Variants in GPR37 observed in about 807,000 individuals in gnomAD.
GPR37 encodes G protein-coupled receptor 37, also known as prosaposin receptor GPR37.
GPR37 carries 20 observed loss-of-function variants against 43.6 expected under a neutral mutation model. That is an observed-to-expected ratio of 0.46 (90% CI 0.32 to 0.67). GPR37 has a LOEUF of 0.67. GPR37 is among the 30% of genes least tolerant of loss of function. GPR37 has a pLI of 0.03. For missense variants in GPR37, 724 were observed against 797.2 expected (o/e 0.91, Z 1.11); for synonymous variants, 315 against 322.6 (o/e 0.98, Z 0.25).
chr7:124,764,317 G>A lies in GPR37; in HGVS notation c.660C>T (p.Ala220=), dbSNP rs61744942. The A allele has an allele frequency of 0.082, 131,398 of 1,610,346 alleles. 6,213 individuals carry two copies. Among genetic ancestry groups the A allele is most frequent in the African/African-American group, 0.19 (13,959 of 74,882 alleles). Reference sequence around the variant, plus strand: ...TTCCTTCACCCAAGGATCCATTCTGGGCCAGCGCCCGGCCCGGGAGTGCAA... The same window carrying A: ...TTCCTTCACCCAAGGATCCATTCTGAGCCAGCGCCCGGCCCGGGAGTGCAA... ...WTIALPGRAL[A]QNGSLGEGIH... Residue 220 remains alanine (A), a synonymous_variant, in exon 1 of 2, where the codon GCC becomes GCT. Coordinates refer to ENST00000303921, the MANE Select transcript of GPR37 (RefSeq NM_005302.5). The surrounding 1 kb of genome is among the most constrained non-coding windows in gnomAD (Gnocchi z 5.4).
At chr7:124,749,327 CA>C (rs1793707083) in intron 1 of GPR37, among the ~76,000 whole-genome samples, 1 of 151,978 alleles carries the variant, frequency 6.6e-6, no homozygotes, top group African/African-American at 2.4e-5. Context: ...ACATCCCAGA[CA>C]ACTTGAATAT....
chr7:124,752,881 A>G (rs1260615050), intron 1 of GPR37, among the ~76,000 whole-genome samples: 1 of 152,098 alleles, frequency 6.6e-6, no homozygotes, highest in African/African-American at 2.4e-5. Flanking sequence ...AGGATGGTAC[A>G]AAAAGGAAAG....
chr7:124,757,430 A>T (rs562135942), intron 1 of GPR37, among the ~76,000 whole-genome samples: 1 of 152,330 alleles, frequency 6.6e-6, no homozygotes, highest in African/African-American at 2.4e-5. Context: ...TTATTTTGCC[A>T]ATTATTATTA....
At chr7:124,753,020 G>T (rs1482459185) in intron 1 of GPR37, among the ~76,000 whole-genome samples, 1 of 151,946 alleles carries the variant, frequency 6.6e-6, no homozygotes, top group Non-Finnish European at 1.5e-5. Flanking sequence ...AGGAAGGATT[G>T]CCATTAGCTT....
In GPR37 at chr7:124,765,254, C is replaced by T. The variant is rs528995062; in HGVS notation, c.-278G>A. 5.3e-6 allele frequency: 2 copies of T among 376,636 alleles called. No homozygotes were observed. Among genetic ancestry groups the T allele is most frequent in the African/African-American group, 2.1e-5 (1 of 48,034 alleles). 23.3% of individuals were successfully genotyped at this position (376,636 alleles called of 1,614,324 possible). ...GTTCCTAGAGGGAATAGGCTACTCCCGGTGGCTGACCTTGAAAAGTTGCAA... is the reference window on the plus strand; with the variant it reads ...GTTCCTAGAGGGAATAGGCTACTCCTGGTGGCTGACCTTGAAAAGTTGCAA... On this transcript the variant is annotated 5_prime_UTR_variant, in exon 1 of 2. Transcript: ENST00000303921.
chr7:124,755,507 T>C (rs1230742345), intron 1 of GPR37, among the ~76,000 whole-genome samples: 1 of 152,072 alleles, frequency 6.6e-6, no homozygotes, highest in African/African-American at 2.4e-5. Flanking sequence ...TATAGTCCTA[T>C]CTTGAATTAA....
At position 124,764,397 on chromosome 7, in the gene GPR37, G is replaced by A; in HGVS notation, c.580C>T (p.His194Tyr). ...RRAGKLQGSH[H>Y]KPLSKTANGL... ...TTGGCCGTCTTGGACAGGGGCTTGTGGTGGGAACCCTGGAGTTTCCCGGCT... is the reference window on the plus strand; with the variant it reads ...TTGGCCGTCTTGGACAGGGGCTTGTAGTGGGAACCCTGGAGTTTCCCGGCT... Residue 194 changes from histidine to tyrosine, a missense_variant, in exon 1 of 2, where the codon CAC (histidine) becomes TAC (tyrosine). This residue lies in a region of GPR37 where 382 missense variants were observed against 355.4 expected (regional missense o/e 1.07). Transcript: ENST00000303921. The surrounding 1 kb of genome is among the most constrained non-coding windows in gnomAD (Gnocchi z 5.4). 1.9e-6 allele frequency: 3 copies of A among 1,613,656 alleles called. No homozygotes were observed. The highest frequency in any genetic ancestry group is 2.5e-6 in the Non-Finnish European group (3 of 1,180,030).
At chr7:124,762,615 T>C (rs1793863567) in intron 1 of GPR37, among the ~76,000 whole-genome samples, 1 of 152,064 alleles carries the variant, frequency 6.6e-6, no homozygotes, top group African/African-American at 2.4e-5. Flanking sequence ...CCAAACAAAG[T>C]AGATGTTTCA....
chr7:124,746,011 CA>C lies in GPR37; in HGVS notation c.*513del, dbSNP rs1339919455. 4 of 152,022 alleles carry C rather than the reference CA, an allele frequency of 2.6e-5. No individual in the cohort carries two copies. The highest frequency in any genetic ancestry group is 1.3e-4 in the Admixed American group (2 of 15,254). 9.4% of individuals were successfully genotyped at this position (152,022 alleles called of 1,614,324 possible). A position where few individuals can be genotyped will look rare whatever the true frequency, so the allele number is the denominator to read the frequency against. ...AGAACCAGTAATTGTATCTTTAAGG[CA>C]ATTAGAAGATTTATTGAATATTGGT... On this transcript the variant is annotated 3_prime_UTR_variant, in exon 2 of 2. Coordinates refer to ENST00000303921, the MANE Select transcript of GPR37 (RefSeq NM_005302.5).
At position 124,745,036 on chromosome 7, in the gene GPR37, G is replaced by A. The variant is rs926852061; in HGVS notation, c.*1489C>T. ...ACACAATGGAGGGAAAAACCCCTTT[G>A]AAAAGTATTGGACTGGGAAAAAGGA... On this transcript the variant is annotated 3_prime_UTR_variant, in exon 2 of 2. Transcript: ENST00000303921. The A allele has an allele frequency of 6.6e-6, 1 of 152,118 alleles. No individual in the cohort carries two copies. Among genetic ancestry groups the A allele is most frequent in the Non-Finnish European group, 1.5e-5 (1 of 68,024 alleles). 9.4% of individuals were successfully genotyped at this position (152,118 alleles called of 1,614,324 possible). A position where few individuals can be genotyped will look rare whatever the true frequency, so the allele number is the denominator to read the frequency against.
rs749726559 is a variant in GPR37, at chr7:124,764,524, C to T, written c.453G>A (p.Glu151=). 4.3e-6 allele frequency: 7 copies of T among 1,613,652 alleles called. No individual in the cohort carries two copies. In the South Asian group the frequency reaches 5.5e-5, roughly 13 times the overall value. ...CAGCGCCTCTGGGACCCTTCTCTTC[C>T]TCCTCTGAGATCTGAAGGAAGAGCT... ...ALQLFLQISE[E]EEKGPRGAGI... Residue 151 remains glutamate (E), a synonymous_variant, in exon 1 of 2, where the codon GAG becomes GAA. Coordinates refer to ENST00000303921, the MANE Select transcript of GPR37 (RefSeq NM_005302.5). This position sits in a 1 kb window ranked among gnomAD's most constrained non-coding sequence, Gnocchi z 5.4.
In GPR37 at chr7:124,744,435, G is replaced by A. The variant is rs1793645624; in HGVS notation, c.*2090C>T. The A allele has an allele frequency of 6.6e-6, 1 of 152,168 alleles. No homozygotes were observed. The highest frequency in any genetic ancestry group is 1.5e-5 in the Non-Finnish European group (1 of 68,022). The allele number at this position is 152,168 out of a possible 1,614,324, so 9.4% of individuals were successfully genotyped here. A position where few individuals can be genotyped will look rare whatever the true frequency, so the allele number is the denominator to read the frequency against. On this transcript the variant is annotated 3_prime_UTR_variant, in exon 2 of 2. Transcript: ENST00000303921. ...GCTGCTATGCACACGTAGCACAGAA[G>A]TCAAACTGGGCTGTTTATTCTTCAA...
Position 124,750,568 on chromosome 7 carries a change from T to C in GPR37, c.1024-3225A>G, listed in dbSNP as rs142945234. On this transcript the variant is annotated intron_variant, in intron 1 of 1. Transcript: ENST00000303921. ...AATGCACAAAAGATAGCATCTTCTC[T>C]ATTAATCTCCCTAGTTTTAAATCCA... is the stretch of plus-strand genomic sequence containing the variant. Among the ~76,000 whole-genome samples the C allele has an allele frequency of 3.1e-3, 476 of 152,294 alleles. 8 individuals are homozygous for C. The highest frequency in any genetic ancestry group is 0.01 in the African/African-American group (429 of 41,576).
At position 124,764,237 on chromosome 7, in the gene GPR37, A is replaced by T. The variant is rs766411105; in HGVS notation, c.740T>A (p.Leu247Gln). Residue 247 changes from leucine (L) to glutamine (Q), a missense_variant, in exon 1 of 2, where the codon CTG becomes CAG. Physicochemically the swap from Leu to Gln is moderately radical, Grantham distance 113. Transcript: ENST00000303921. This position sits in a 1 kb window ranked among gnomAD's most constrained non-coding sequence, Gnocchi z 5.4. ...RGNSTNRRVR[L>Q]KNPFYPLTQE... ...GGTCAGCGGGTAGAAGGGGTTCTTC[A>T]GTCTCACACGCCGGTTCGTGCTGTT... 1 of 1,596,542 alleles carries T rather than the reference A, an allele frequency of 6.3e-7. No individual in the cohort carries two copies.
intron 1 of GPR37, among the ~76,000 whole-genome samples, chr7:124,761,165 A>C (rs538422704): frequency 5.9e-5 from 9 of 151,934 alleles, no homozygotes; most frequent in African/African-American, 2.2e-4. Context: ...AAAAAAAAAA[A>C]AAAAAAAAAA....
At chr7:124,752,697 G>A (rs1309325008) in intron 1 of GPR37, among the ~76,000 whole-genome samples, 5 of 152,092 alleles carry the variant, frequency 3.3e-5, no homozygotes, top group Non-Finnish European at 1.5e-5. Context: ...CTCTCCTGAT[G>A]TATAGCTGCA....
Position 124,746,806 on chromosome 7 carries a change from CTG to C in GPR37, c.1559_1560del (p.Thr520ArgfsTer11). ...ICNIVTAYMATGVSQQTMDLL... is the reference protein window; with the variant it reads ...ICNIVTAYMAXGVSQQTMDLL... ...AGGTCCATTGTCTGCTGTGAAACCC[CTG>C]TAGCCATGTAGGCAGTAACAATGTT... On this transcript the variant is annotated frameshift_variant, in exon 2 of 2. Coordinates refer to ENST00000303921, the MANE Select transcript of GPR37 (RefSeq NM_005302.5). LOFTEE classifies it high-confidence loss of function. The C allele has an allele frequency of 6.2e-7, 1 of 1,614,042 alleles. No homozygotes were observed. Among genetic ancestry groups the C allele is most frequent in the African/African-American group, 1.3e-5 (1 of 75,028 alleles).
At chr7:124,747,788 T>G (rs1396472535) in intron 1 of GPR37, among the ~76,000 whole-genome samples, 2 of 152,110 alleles carry the variant, frequency 1.3e-5, no homozygotes, top group Non-Finnish European at 2.9e-5. Flanking sequence ...GTCAGTAGTG[T>G]GCCTTACACA....
At chr7:124,752,965 T>A (rs191038750) in intron 1 of GPR37, among the ~76,000 whole-genome samples, 38 of 152,150 alleles carry the variant, frequency 2.5e-4, no homozygotes, top group African/African-American at 8.9e-4. Context: ...GTAACCCTTG[T>A]AAAGTTGTAA....
Sources: allele counts gnomAD v4.1 joint callset (sites outside exome capture counted in the v4.1 genomes callset), GRCh38; gene constraint gnomAD v4.1.1; regional missense constraint gnomAD v4.1.1; non-coding constraint Gnocchi (gnomAD v3.1); transcripts MANE v1.5; gene names NCBI Gene and HGNC (gene_info 2026-07-23, HGNC 2026-07-21).